Variants in CREB5 observed in about 807,000 individuals in gnomAD.
CREB5 encodes cAMP responsive element binding protein 5, also known as cyclic AMP-responsive element-binding protein 5.
In CREB5, 19 loss-of-function variants were observed where a neutral mutation model predicts 57.1. The observed-to-expected ratio is 0.33, with a 90% confidence interval of 0.23 to 0.49. The LOEUF (loss-of-function observed/expected upper bound fraction) is 0.49. CREB5 is among the 20% of genes least tolerant of loss of function. The pLI is 0.99. For missense variants in CREB5, 579 were observed against 671.6 expected, an observed-to-expected ratio of 0.86 and a Z score of 1.52; for synonymous variants, 238 against 238.3, an observed-to-expected ratio of 1.00 and a Z score of 0.01.
At chr7:28,495,603 T>C (rs149660206) in intron 3 of CREB5, among the ~76,000 whole-genome samples, 115 of 152,196 alleles carry the variant, frequency 7.6e-4, no homozygotes, top group Middle Eastern at 6.8e-3. Flanking sequence ...TGGGCATCTA[T>C]GCACGCTGCA....
intron 7 of CREB5, among the ~76,000 whole-genome samples, chr7:28,734,396 G>C (rs1001566050): frequency 6.6e-6 from 1 of 151,718 alleles, no homozygotes; most frequent in African/African-American, 2.4e-5. Flanking sequence ...ATCAAAATTG[G>C]GTTCACACTA....
intron 1 of CREB5, among the ~76,000 whole-genome samples, chr7:28,380,607 G>T (rs1439466809): frequency 6.6e-6 from 1 of 152,220 alleles, no homozygotes; most frequent in Non-Finnish European, 1.5e-5. Flanking sequence ...CATCCGAGGG[G>T]TGGGTTGTGG....
chr7:28,752,981 A>G (rs1034769164), intron 7 of CREB5, among the ~76,000 whole-genome samples: 6 of 151,970 alleles, frequency 3.9e-5, no homozygotes, highest in African/African-American at 1.5e-4. Context: ...ATAATATTCT[A>G]TAACATAATA....
chr7:28,368,268 C>G (rs1786630611), intron 1 of CREB5, among the ~76,000 whole-genome samples: 1 of 152,068 alleles, frequency 6.6e-6, no homozygotes, highest in Admixed American at 6.5e-5. Flanking sequence ...TGAAAATTAC[C>G]TACTGAGTAC....
upstream of CREB5, chr7:28,409,951 G>A (rs988792188): frequency 6.6e-6 from 3 of 453,754 alleles, no homozygotes; most frequent in Admixed American, 4.7e-5. The surrounding 1 kb of genome is among the most constrained non-coding windows in gnomAD (Gnocchi z 4.4). Context: ...AGCGGAGACG[G>A]CGAGCCAGGA....
chr7:28,716,340 C>T lies in CREB5; in HGVS notation c.465-2413C>T, dbSNP rs888418794. Among the ~76,000 whole-genome samples the T allele has an allele frequency of 4.6e-5, 7 of 152,112 alleles. 1 individual carries two copies. In the South Asian group the frequency reaches 8.3e-4, roughly 18 times the overall value. On this transcript the variant is annotated intron_variant, in intron 5 of 10. Coordinates refer to ENST00000357727, the MANE Select transcript of CREB5 (RefSeq NM_182898.4). ...CCATGAGCATGATATTGCAAACCAA[C>T]ATAATAAAAAGAAATGTTTTTAGCT...
intron 5 of CREB5, among the ~76,000 whole-genome samples, chr7:28,613,057 GT>G (rs1797456363): frequency 6.6e-6 from 1 of 152,142 alleles, no homozygotes; most frequent in African/African-American, 2.4e-5. Context: ...GTCCACTGTA[GT>G]ATGTCCTAAT....
intron 1 of CREB5, among the ~76,000 whole-genome samples, chr7:28,424,763 C>G (rs1293174291): frequency 6.6e-6 from 1 of 152,098 alleles, no homozygotes; most frequent in Non-Finnish European, 1.5e-5. Flanking sequence ...CTGACAAGGA[C>G]AAAAATCACC....
At chr7:28,681,838 G>T (rs557391511) in intron 5 of CREB5, among the ~76,000 whole-genome samples, 2 of 152,206 alleles carry the variant, frequency 1.3e-5, no homozygotes, top group African/African-American at 4.8e-5. Flanking sequence ...AAATATTCCA[G>T]GAGTGTCAAC....
chr7:28,394,070 CAAAAAAAAAAAAAAAAAAAA>C (rs56166148), intron 1 of CREB5, among the ~76,000 whole-genome samples: 26 of 52,998 alleles, frequency 4.9e-4, no homozygotes, highest in African/African-American at 1.9e-3. Flanking sequence ...GACTCTGTCT[CAAAAAAAAAAAAAAAAAAAA>C]AAAAAAAAAA....
chr7:28,821,854 CT>C lies in CREB5; in HGVS notation c.*2578del, dbSNP rs1809789839. 1 of 152,594 alleles carries C rather than the reference CT, an allele frequency of 6.6e-6. No individual in the cohort carries two copies. The highest frequency in any genetic ancestry group is 2.4e-5 in the African/African-American group (1 of 41,516). 9.5% of individuals were successfully genotyped at this position (152,594 alleles called of 1,614,324 possible). Reference sequence around the variant, plus strand: ...TTGTTTTAAGTAAACAAAAATTTTTCTTTCTTTACTGCATGCATAGCACTTA... The same window carrying C: ...TTGTTTTAAGTAAACAAAAATTTTTCTTCTTTACTGCATGCATAGCACTTA... On this transcript the variant is annotated 3_prime_UTR_variant, in exon 11 of 11. Coordinates refer to ENST00000357727, the MANE Select transcript of CREB5 (RefSeq NM_182898.4).
In CREB5 at chr7:28,819,584, C is replaced by T. The variant is rs192140342; in HGVS notation, c.*305C>T. 2.3e-4 allele frequency: 52 copies of T among 228,510 alleles called. No homozygotes were observed. Among genetic ancestry groups the T allele is most frequent in the Middle Eastern group, 1.6e-3 (1 of 622 alleles). 14.2% of individuals were successfully genotyped at this position (228,510 alleles called of 1,614,324 possible). On this transcript the variant is annotated 3_prime_UTR_variant, in exon 11 of 11. Transcript: ENST00000357727. ...TATATAGCCATGGTTTCATTCTTAT[C>T]AGTCCAACCCTTTGCCTGAAACATT...
intron 5 of CREB5, among the ~76,000 whole-genome samples, chr7:28,620,579 A>G (rs1797756307): frequency 6.6e-6 from 1 of 152,116 alleles, no homozygotes; most frequent in South Asian, 2.1e-4. Context: ...TACAAATTAT[A>G]TTTGGCCTCG....
chr7:28,720,293 C>A (rs1002776469), intron 6 of CREB5, among the ~76,000 whole-genome samples: 1 of 152,170 alleles, frequency 6.6e-6, no homozygotes, highest in Non-Finnish European at 1.5e-5. Flanking sequence ...CCTTGCAAAG[C>A]CTTTTAGCAT....
chr7:28,581,303 C>T (rs1297025543), intron 5 of CREB5, among the ~76,000 whole-genome samples: 1 of 152,212 alleles, frequency 6.6e-6, no homozygotes, highest in Non-Finnish European at 1.5e-5. Flanking sequence ...GAATATTCCT[C>T]CAGCCTTCTT....
chr7:28,685,594 C>CT (rs1459794361), intron 5 of CREB5, among the ~76,000 whole-genome samples: 2 of 151,262 alleles, frequency 1.3e-5, no homozygotes, highest in Non-Finnish European at 2.9e-5. Context: ...AACCTGCCAT[C>CT]TTTCACTCCC....
chr7:28,718,979 A>G (rs1802864795), intron 6 of CREB5, 100 bp downstream of exon 6: 5 of 1,554,004 alleles, frequency 3.2e-6, no homozygotes, highest in Non-Finnish European at 4.4e-6. Context: ...CTGATGGGAA[A>G]GAAGGCGACT....
chr7:28,678,816 C>T (rs564717861), intron 5 of CREB5, among the ~76,000 whole-genome samples: 97 of 152,288 alleles, frequency 6.4e-4, no homozygotes, highest in African/African-American at 2.3e-3. Flanking sequence ...TCATCCCCTC[C>T]GGGCAAAAGT....
At chr7:28,673,630 G>A (rs969007993) in intron 5 of CREB5, among the ~76,000 whole-genome samples, 33 of 141,778 alleles carry the variant, frequency 2.3e-4, no homozygotes, top group African/African-American at 3.4e-4. Flanking sequence ...AGCAGAGCCC[G>A]TGTTGACATG....
Sources: allele counts gnomAD v4.1 joint callset (sites outside exome capture counted in the v4.1 genomes callset), GRCh38; gene constraint gnomAD v4.1.1; non-coding constraint Gnocchi (gnomAD v3.1); transcripts MANE v1.5; gene names NCBI Gene and HGNC (gene_info 2026-07-23, HGNC 2026-07-21).